Variants in LRRC72 observed in about 807,000 individuals in gnomAD.
LRRC72 encodes leucine rich repeat containing 72, also known as leucine-rich repeat-containing protein 72.
A neutral mutation model predicts 35.8 loss-of-function variants in LRRC72; 41 were observed. The ratio of observed to expected loss-of-function variants is 1.15; its 90% CI spans 0.89 to 1.49. The LOEUF is 1.49. LRRC72 is among the 40% of genes most tolerant of loss of function. The pLI is 0.00. For synonymous variants in LRRC72, 118 were observed against 119.2 expected (o/e 0.99, Z 0.07); for missense variants, 389 against 330.7 (o/e 1.18, Z -1.37).
At chr7:16,541,932 C>CACAG (rs566840309) in intron 3 of LRRC72, among the ~76,000 whole-genome samples, 1 of 148,428 alleles carries the variant, frequency 6.7e-6, no homozygotes, top group Non-Finnish European at 1.5e-5. Context: ...TACACGCACA[C>CACAG]ACAGACAGAC....
intron 5 of LRRC72, among the ~76,000 whole-genome samples, chr7:16,560,761 A>G (rs1782731990): frequency 6.6e-6 from 1 of 152,182 alleles, no homozygotes; most frequent in South Asian, 2.1e-4. Flanking sequence ...ATTCTAAAAA[A>G]AGAAAAAAAT....
intron 5 of LRRC72, among the ~76,000 whole-genome samples, chr7:16,565,328 G>A (rs374909284): frequency 2.7e-4 from 41 of 151,978 alleles, no homozygotes; most frequent in African/African-American, 8.9e-4. Flanking sequence ...AGCTACTCAG[G>A]AGGCTGAATC....
rs1310417372 is a variant in LRRC72, at chr7:16,532,417, T to C, written c.91-78T>C. 4 of 945,052 alleles carry C rather than the reference T, an allele frequency of 4.2e-6. No individual in the cohort carries two copies. In the African/African-American group the frequency reaches 6.5e-5, roughly 15 times the overall value. 58.5% of individuals were successfully genotyped at this position (945,052 alleles called of 1,614,324 possible). A position where few individuals can be genotyped will look rare whatever the true frequency, so the allele number is the denominator to read the frequency against. On this transcript the variant is annotated intron_variant, in intron 1 of 8. Transcript: ENST00000401542. ...CTTTCTTTTGATCTTCTTGTAGACG[T>C]TATTGTTACTGACTGCAAGTGCCTC...
chr7:16,566,354 T>TTA lies in LRRC72; in HGVS notation c.475_476dup (p.Ile160SerfsTer24). 6.5e-7 allele frequency: 1 copy of TTA among 1,547,620 alleles called. No homozygotes were observed. Among genetic ancestry groups the TTA allele is most frequent in the Non-Finnish European group, 8.7e-7 (1 of 1,145,918 alleles). ...TTTGTGCCAATATAACCTGTATCGTTTATATATCATCTACCACCTTCCAGG... is the reference window on the plus strand; with the variant it reads ...TTTGTGCCAATATAACCTGTATCGTTTATATATATCATCTACCACCTTCCAGG... On this transcript the variant is annotated frameshift_variant, in exon 6 of 9. Transcript: ENST00000401542. LOFTEE classifies it high-confidence loss of function.
chr7:16,579,682 T>C (rs1194405082), intron 7 of LRRC72, among the ~76,000 whole-genome samples: 4 of 152,210 alleles, frequency 2.6e-5, no homozygotes, highest in Admixed American at 1.3e-4. Context: ...TCATTTGGAC[T>C]GTTAGTCCAT....
At position 16,557,441 on chromosome 7, in the gene LRRC72, G is replaced by A; in HGVS notation, c.316G>A (p.Gly106Ser). Residue 106 changes from glycine (G) to serine (S), a missense_variant and splice_region_variant, in exon 4 of 9, where the codon GGT (glycine) becomes AGT (serine). Gly to Ser is a moderately conservative substitution (Grantham distance 56, BLOSUM62 0). Transcript: ENST00000401542. ...LNNNAIFEIE[G>S]LHYLPSLHIL... ...CAACAATGCAATATTTGAGATAGAA[G>A]GTACGTCTTAAATTCTCTGTTGATT... is the stretch of plus-strand genomic sequence containing the variant. The A allele has an allele frequency of 8.4e-7, 1 of 1,197,564 alleles. No homozygotes were observed. The highest frequency in any genetic ancestry group is 1.1e-6 in the Non-Finnish European group (1 of 906,844). 74.2% of individuals were successfully genotyped at this position (1,197,564 alleles called of 1,614,324 possible).
chr7:16,540,539 T>G (rs1278749914), intron 3 of LRRC72, among the ~76,000 whole-genome samples: 1 of 152,082 alleles, frequency 6.6e-6, no homozygotes, highest in African/African-American at 2.4e-5. Flanking sequence ...GAGAAAGACA[T>G]GAGATTTGGG....
chr7:16,527,109 G>T, intron 1 of LRRC72, 67 bp downstream of exon 1: 1 of 1,271,980 alleles, frequency 7.9e-7, no homozygotes, highest in Non-Finnish European at 1.1e-6. Context: ...CCCACCTCCT[G>T]CCTGAGGACT....
intron 1 of LRRC72, among the ~76,000 whole-genome samples, chr7:16,527,834 G>A (rs996794322): frequency 1.4e-4 from 21 of 152,088 alleles, no homozygotes; most frequent in African/African-American, 4.8e-4. Flanking sequence ...TTCTTCTATA[G>A]GTTTTAATAC....
At chr7:16,578,434 G>A (rs1402100939) in intron 7 of LRRC72, among the ~76,000 whole-genome samples, 1 of 152,148 alleles carries the variant, frequency 6.6e-6, no homozygotes, top group Non-Finnish European at 1.5e-5. Flanking sequence ...AGGTTGCAGT[G>A]AGCCGAGATC....
At chr7:16,537,846 C>CAT (rs1478487104) in intron 3 of LRRC72, 150 bp downstream of exon 3, 103 of 529,550 alleles carry the variant, frequency 1.9e-4, no homozygotes, top group Non-Finnish European at 2.3e-4. Flanking sequence ...ATATCTGGTA[C>CAT]ATATATATAT....
At chr7:16,554,041 T>C (rs969251987) in intron 3 of LRRC72, among the ~76,000 whole-genome samples, 35 of 152,130 alleles carry the variant, frequency 2.3e-4, no homozygotes, top group African/African-American at 8.2e-4. Flanking sequence ...AATAATAACA[T>C]TTTACGGCCA....
intron 3 of LRRC72, among the ~76,000 whole-genome samples, chr7:16,542,563 G>C (rs1296525379): frequency 1.3e-5 from 2 of 152,152 alleles, no homozygotes; most frequent in African/African-American, 4.8e-5. Flanking sequence ...TTCCACCTGT[G>C]ACCTGAAGGA....
intron 2 of LRRC72, among the ~76,000 whole-genome samples, chr7:16,537,345 T>C (rs546032264): frequency 2.0e-5 from 3 of 152,318 alleles, no homozygotes; most frequent in Admixed American, 2.0e-4. Flanking sequence ...TGTTTTGAAT[T>C]AAGGTTCCAA....
chr7:16,553,420 G>A lies in LRRC72; in HGVS notation c.235-3940G>A, dbSNP rs570370853. On this transcript the variant is annotated intron_variant, in intron 3 of 8. Transcript: ENST00000401542. Reference sequence around the variant, plus strand: ...CTTGGTTTTCTCCTAGGTAAACTGGGGATATGGGGGTCAAATAAATAACAT... The same window carrying A: ...CTTGGTTTTCTCCTAGGTAAACTGGAGATATGGGGGTCAAATAAATAACAT... 6.6e-5 allele frequency among the ~76,000 whole-genome samples: 10 copies of A among 152,268 alleles called. No homozygotes were observed. The East Asian group carries it at 1.9e-3, about 29-fold the overall frequency.
At chr7:16,535,378 T>C (rs1782236281) in intron 2 of LRRC72, among the ~76,000 whole-genome samples, 1 of 151,834 alleles carries the variant, frequency 6.6e-6, no homozygotes, top group South Asian at 2.1e-4. Context: ...TCAGGGAAGG[T>C]GGGGAGGAGA....
At chr7:16,534,598 G>A (rs541644504) in intron 2 of LRRC72, among the ~76,000 whole-genome samples, 58 of 151,854 alleles carry the variant, frequency 3.8e-4, no homozygotes, top group South Asian at 2.9e-3. Context: ...AACAACTTTC[G>A]CGCCACTGCA....
intron 7 of LRRC72, among the ~76,000 whole-genome samples, chr7:16,572,196 G>A (rs1223744647): frequency 6.6e-6 from 1 of 152,190 alleles, no homozygotes; most frequent in Admixed American, 6.5e-5. Flanking sequence ...CCCAGGACCA[G>A]ATGTATTCAC....
chr7:16,535,947 A>G (rs1258651935), intron 2 of LRRC72, among the ~76,000 whole-genome samples: 1 of 152,190 alleles, frequency 6.6e-6, no homozygotes, highest in African/African-American at 2.4e-5. Context: ...ATCTCGGCTC[A>G]CTGCAACCTC....
Sources: gnomAD v4.1 joint callset for allele counts (sites outside exome capture counted in the v4.1 genomes callset) on GRCh38, gnomAD v4.1.1 for gene constraint, MANE v1.5 for transcripts, NCBI Gene and HGNC (gene_info 2026-07-23, HGNC 2026-07-21) for gene names.